The following ABL2 variants were observed in gnomAD, a reference collection of about 807,000 sequenced individuals.
The protein encoded by ABL2 is tyrosine-protein kinase ABL2.
A neutral mutation model predicts 107.7 loss-of-function variants in ABL2; 49 were observed. That is an observed-to-expected ratio of 0.45 (90% CI 0.36 to 0.58). ABL2 has a LOEUF of 0.58. Ranked by LOEUF, ABL2 falls within the 20% of genes least tolerant of loss-of-function variation. The pLI is 0.00. For synonymous variants in ABL2, 549 were observed against 548.6 expected, an observed-to-expected ratio of 1.00 and a Z score of -0.01; for missense variants, 1,245 against 1,457.0, an observed-to-expected ratio of 0.85 and a Z score of 2.37.
intron 1 of ABL2, among the ~76,000 whole-genome samples, chr1:179,159,799 T>TAA (rs1242680395): frequency 1.3e-5 from 2 of 152,206 alleles, no homozygotes; most frequent in East Asian, 3.8e-4. Flanking sequence ...CTTATATATA[T>TAA]AACTTGTATA....
At chr1:179,121,024 TA>T (rs3834037) in intron 5 of ABL2, among the ~76,000 whole-genome samples, 119,040 of 152,162 alleles carry the variant, frequency 0.78, 47,526 homozygotes, top group African/African-American at 0.95. Flanking sequence ...GACTACTACT[TA>T]ATAGCTAAAG....
intron 1 of ABL2, chr1:179,201,472 G>C (rs1661663780): frequency 4.5e-6 from 1 of 221,176 alleles, no homozygotes; most frequent in Non-Finnish European, 8.9e-6. Flanking sequence ...ATCCCTTTAA[G>C]ATTTAAAGAT....
At chr1:179,218,814 C>A (rs1662721607) in intron 1 of ABL2, among the ~76,000 whole-genome samples, 2 of 152,198 alleles carry the variant, frequency 1.3e-5, no homozygotes. Context: ...TCCTCCTCAG[C>A]CCTAAATCAG....
intron 1 of ABL2, chr1:179,143,143 A>T: frequency 1.4e-6 from 2 of 1,436,554 alleles, no homozygotes; most frequent in Non-Finnish European, 1.9e-6. Context: ...TGTGACATTT[A>T]CTCATGTACT....
In ABL2 at chr1:179,142,977, C is replaced by G. The variant is rs781201733; in HGVS notation, c.158-9603G>C. ...AGATTCTGAGGCCTCAGTGCACAGGCAGCAAAGTGAAGTGTCCTGATCTCT... is the reference window on the plus strand; with the variant it reads ...AGATTCTGAGGCCTCAGTGCACAGGGAGCAAAGTGAAGTGTCCTGATCTCT... On this transcript the variant is annotated intron_variant, in intron 1 of 11. Coordinates refer to ENST00000502732, the MANE Select transcript of ABL2 (RefSeq NM_007314.4). 3.7e-6 allele frequency: 6 copies of G among 1,614,088 alleles called. No individual in the cohort carries two copies. The Admixed American group carries it at 6.7e-5, about 18-fold the overall frequency.
rs906300592 is a variant in ABL2 at position 179,121,027 on chromosome 1, T to C, written c.960+568A>G. Among the ~76,000 whole-genome samples, 4 of 150,684 alleles carry C rather than the reference T, an allele frequency of 2.7e-5. No homozygotes were observed. In the East Asian group the frequency reaches 5.9e-4, roughly 22 times the overall value. ...AGAAACAGAACTGACTACTACTTAA[T>C]AGCTAAAGAATAGCCCTTATAAGTG... On this transcript the variant is annotated intron_variant, in intron 5 of 11. Transcript: ENST00000502732.
chr1:179,180,704 A>G (rs1660328331), intron 1 of ABL2, among the ~76,000 whole-genome samples: 1 of 152,228 alleles, frequency 6.6e-6, no homozygotes, highest in Non-Finnish European at 1.5e-5. Flanking sequence ...ATCTGATAAC[A>G]AAGTAAATTT....
chr1:179,205,395 C>T (rs934892418), intron 1 of ABL2, among the ~76,000 whole-genome samples: 7 of 152,164 alleles, frequency 4.6e-5, no homozygotes, highest in Non-Finnish European at 1.0e-4. Flanking sequence ...TTTCTCCATG[C>T]CCCCCGGCAT....
chr1:179,195,324 C>A lies in ABL2; in HGVS notation c.157+33917G>T, dbSNP rs559203700. On this transcript the variant is annotated intron_variant, in intron 1 of 11. Coordinates refer to ENST00000502732, the MANE Select transcript of ABL2 (RefSeq NM_007314.4). Reference sequence around the variant, plus strand: ...AAAACAAAAAAACAGTGAGATACCACATCACAGCCATTAGGATGGCTATTA... The same window carrying A: ...AAAACAAAAAAACAGTGAGATACCAAATCACAGCCATTAGGATGGCTATTA... Among the ~76,000 whole-genome samples, 23 of 152,180 alleles carry A rather than the reference C, an allele frequency of 1.5e-4. No individual in the cohort carries two copies. The South Asian group carries it at 3.7e-3, about 25-fold the overall frequency.
chr1:179,125,153 A>T (rs1373302539), intron 4 of ABL2, among the ~76,000 whole-genome samples: 1 of 152,202 alleles, frequency 6.6e-6, no homozygotes, highest in African/African-American at 2.4e-5. Context: ...ACTGTGAACT[A>T]CTCAGCACTG....
In ABL2 at chr1:179,116,511, C is replaced by CT. The variant is rs539446954; in HGVS notation, c.1408+820dup. On this transcript the variant is annotated intron_variant, in intron 8 of 11. Coordinates refer to ENST00000502732, the MANE Select transcript of ABL2 (RefSeq NM_007314.4). ...CTTCTTTTTTAAAACTTTCTTCTTT[C>CT]TTTTTTTTTTTTGTTTGAGACAGAG... is the stretch of plus-strand genomic sequence containing the variant. Among the ~76,000 whole-genome samples, 1,258 of 145,530 alleles carry CT rather than the reference C, an allele frequency of 8.6e-3. 22 individuals are homozygous for CT. Among genetic ancestry groups the CT allele is most frequent in the South Asian group, 0.077 (350 of 4,558 alleles).
At chr1:179,197,358 T>A (rs1413264543) in intron 1 of ABL2, among the ~76,000 whole-genome samples, 2 of 151,988 alleles carry the variant, frequency 1.3e-5, no homozygotes, top group Non-Finnish European at 2.9e-5. Context: ...ACCCAAGGGA[T>A]AATAAAAAAT....
chr1:179,156,159 T>A (rs999043407), intron 1 of ABL2, among the ~76,000 whole-genome samples: 22 of 152,226 alleles, frequency 1.4e-4, no homozygotes, highest in Non-Finnish European at 1.3e-4. Context: ...CCTGCGGAGC[T>A]AGTTCTCCAA....
At position 179,210,514 on chromosome 1, in the gene ABL2, A is replaced by AAAAG. The variant is rs1553233497; in HGVS notation, c.157+18726_157+18727insCTTT. 5.4e-3 allele frequency among the ~76,000 whole-genome samples: 823 copies of AAAAG among 151,076 alleles called. 17 individuals are homozygous for AAAAG. Among genetic ancestry groups the AAAAG allele is most frequent in the African/African-American group, 0.02 (800 of 40,954 alleles). On this transcript the variant is annotated intron_variant, in intron 1 of 11. Transcript: ENST00000502732. Reference sequence around the variant, plus strand: ...AAGACTCTAACTCACAAAAAAAAAAAAAAAGAAAAAAAAAAGCTTTAAGAG... The same window carrying AAAAG: ...AAGACTCTAACTCACAAAAAAAAAAAAAAGAAAAGAAAAAAAAAAGCTTTAAGAG...
chr1:179,136,765 A>C (rs994460807), intron 1 of ABL2, among the ~76,000 whole-genome samples: 1 of 149,700 alleles, frequency 6.7e-6, no homozygotes, highest in Non-Finnish European at 1.5e-5. Context: ...AAAATACAAA[A>C]ATTAGCCAGG....
chr1:179,176,702 C>CTTTTTTTTTTTTTTTTTTTTT (rs35138436), intron 1 of ABL2, among the ~76,000 whole-genome samples: 1 of 107,298 alleles, frequency 9.3e-6, no homozygotes, highest in Non-Finnish European at 1.8e-5. Flanking sequence ...GTTACATATT[C>CTTTTTTTTTTTTTTTTTTTTT]TTTTTTTTTT....
chr1:179,127,102 A>AG lies in ABL2; in HGVS notation c.392-431dup, dbSNP rs534005284. On this transcript the variant is annotated intron_variant, in intron 3 of 11. Coordinates refer to ENST00000502732, the MANE Select transcript of ABL2 (RefSeq NM_007314.4). ...TCAATGTTAACAACAATCAAGGATT[A>AG]GGGATAAGACATGTGAGATACAAAG... Among the ~76,000 whole-genome samples, 33 of 152,354 alleles carry AG rather than the reference A, an allele frequency of 2.2e-4. No individual in the cohort carries two copies. In the East Asian group the frequency reaches 6.4e-3, roughly 29 times the overall value.
At chr1:179,227,676 A>G (rs909831630) in intron 1 of ABL2, among the ~76,000 whole-genome samples, 6 of 152,208 alleles carry the variant, frequency 3.9e-5, no homozygotes, top group African/African-American at 1.4e-4. Flanking sequence ...TGTTTTAGGA[A>G]GTGATTTTAA....
intron 1 of ABL2, among the ~76,000 whole-genome samples, chr1:179,158,470 C>A (rs1658844352): frequency 6.6e-6 from 1 of 152,168 alleles, no homozygotes; most frequent in East Asian, 1.9e-4. Context: ...ATTCTGCCTC[C>A]TGGTTCAGAG....
Sources: allele counts gnomAD v4.1 joint callset (sites outside exome capture counted in the v4.1 genomes callset), GRCh38; gene constraint gnomAD v4.1.1; transcripts MANE v1.5; gene names NCBI Gene and HGNC (gene_info 2026-07-23, HGNC 2026-07-21).